The following GRIA1 variants were observed in gnomAD, a reference collection of about 807,000 sequenced individuals.
GRIA1 encodes glutamate ionotropic receptor AMPA type subunit 1.
Under a neutral mutation model 99.2 loss-of-function variants are expected in GRIA1, and 31 were observed. That is an observed-to-expected ratio of 0.31 (90% CI 0.23 to 0.42). The LOEUF is 0.42. Among genes scored for constraint, GRIA1 ranks in the 10% least tolerant of loss-of-function variants. The pLI, the probability that GRIA1 is intolerant of heterozygous loss-of-function variation, is 1.00. For missense variants in GRIA1, 782 were observed against 1,157.5 expected (o/e 0.68, Z 4.71); for synonymous variants, 438 against 432.4 (o/e 1.01, Z -0.16).
chr5:153,770,185 G>A lies in GRIA1; in HGVS notation c.2040G>A (p.Val680=), dbSNP rs1261312064. The stretch of plus-strand genomic sequence containing the variant: ...CCTACCAGAGGTCTAAAATTGCTGT[G>A]TTTGAGAAGATGTGGACATACATGA... ...KEFFRRSKIA[V]FEKMWTYMKS... is the part of the protein sequence containing the mutation. Residue 680 remains valine, a synonymous_variant, in exon 13 of 16, where the codon GTG becomes GTA. Transcript: ENST00000285900. 6.2e-7 allele frequency: 1 copy of A among 1,613,918 alleles called. No individual in the cohort carries two copies. The highest frequency in any genetic ancestry group is 8.5e-7 in the Non-Finnish European group (1 of 1,179,814).
At chr5:153,772,933 G>A (rs935427159) in intron 13 of GRIA1, among the ~76,000 whole-genome samples, 3 of 152,112 alleles carry the variant, frequency 2.0e-5, no homozygotes, top group African/African-American at 2.4e-5. Flanking sequence ...AACATAATTT[G>A]TCCAATCAAT....
chr5:153,624,676 A>C (rs758823694), intron 2 of GRIA1, among the ~76,000 whole-genome samples: 3 of 152,228 alleles, frequency 2.0e-5, no homozygotes, highest in Non-Finnish European at 4.4e-5. Flanking sequence ...GGGGGAAAAA[A>C]ATTGATAGTA....
At chr5:153,774,287 G>A (rs1315097904) in intron 13 of GRIA1, among the ~76,000 whole-genome samples, 1 of 152,092 alleles carries the variant, frequency 6.6e-6, no homozygotes, top group Admixed American at 6.6e-5. Context: ...GTAAGGAGAA[G>A]AGTAAAGACA....
intron 4 of GRIA1, among the ~76,000 whole-genome samples, chr5:153,655,558 T>G (rs1754879393): frequency 6.6e-6 from 1 of 152,152 alleles, no homozygotes; most frequent in Admixed American, 6.5e-5. Context: ...CAAAACTGAT[T>G]TCAAATTCTG....
At chr5:153,740,461 G>T (rs181724236) in intron 11 of GRIA1, among the ~76,000 whole-genome samples, 2 of 152,320 alleles carry the variant, frequency 1.3e-5, no homozygotes, top group East Asian at 3.9e-4. Context: ...TCACAGCAGG[G>T]ACGAAGGAAG....
rs1386116205 is a variant in GRIA1 at position 153,811,022 on chromosome 5, A to C, written c.2521-3A>C. ...GGGAAGAACCCCCGGTCCTCCTGAA[A>C]AGGGTTTTTGTTTGATCCCACAGCA... On this transcript the variant is annotated splice_region_variant and splice_polypyrimidine_tract_variant and intron_variant, in intron 15 of 15. Transcript: ENST00000285900. 8 of 1,613,194 alleles carry C rather than the reference A, an allele frequency of 5.0e-6. No individual in the cohort carries two copies. The highest frequency in any genetic ancestry group is 6.8e-6 in the Non-Finnish European group (8 of 1,179,138).
At chr5:153,531,778 C>T (rs539029066) in intron 2 of GRIA1, among the ~76,000 whole-genome samples, 1 of 152,228 alleles carries the variant, frequency 6.6e-6, no homozygotes, top group African/African-American at 2.4e-5. Flanking sequence ...ATGTATTAAA[C>T]AGTCAATATA....
chr5:153,632,148 T>G (rs986998908), intron 2 of GRIA1, among the ~76,000 whole-genome samples: 4 of 151,938 alleles, frequency 2.6e-5, no homozygotes, highest in Non-Finnish European at 4.4e-5. Context: ...GAAGGATGGA[T>G]GAGAACGGAA....
intron 2 of GRIA1, among the ~76,000 whole-genome samples, chr5:153,527,505 C>T (rs566577): frequency 0.81 from 123,731 of 152,144 alleles, 51,587 homozygotes; most frequent in Non-Finnish European, 0.9. Flanking sequence ...TAAAACATTA[C>T]TTTTGGTGTG....
intron 2 of GRIA1, among the ~76,000 whole-genome samples, chr5:153,610,258 TA>T (rs1291286770): frequency 6.6e-6 from 1 of 152,170 alleles, no homozygotes; most frequent in Non-Finnish European, 1.5e-5. Flanking sequence ...ACTGCCAGCA[TA>T]AGGAGTGTTA....
rs191549428 is a variant in GRIA1, at chr5:153,734,278, A to G, written c.1823+28211A>G. Among the ~76,000 whole-genome samples the G allele has an allele frequency of 9.8e-5, 15 of 152,324 alleles. No individual in the cohort carries two copies. The East Asian group carries it at 1.3e-3, about 14-fold the overall frequency. On this transcript the variant is annotated intron_variant, in intron 11 of 15. Coordinates refer to ENST00000285900, the MANE Select transcript of GRIA1 (RefSeq NM_000827.4). ...GTGACCAGCTCATAGCAGGTGCTCA[A>G]TAAGTATTTGTTGAATTAGGGGTTG...
chr5:153,644,298 G>C (rs751004668), intron 2 of GRIA1, among the ~76,000 whole-genome samples: 1 of 152,160 alleles, frequency 6.6e-6, no homozygotes, highest in Non-Finnish European at 1.5e-5. Context: ...TGGATAGATA[G>C]AGTGTACTCA....
chr5:153,697,931 A>G (rs1166627489), intron 8 of GRIA1, 113 bp from the exon 9 acceptor site: 7 of 540,724 alleles, frequency 1.3e-5, no homozygotes, highest in Admixed American at 2.9e-5. Context: ...GGTGTGTCCA[A>G]TTCTTCATGA....
chr5:153,584,654 C>T (rs1029984502), intron 2 of GRIA1, among the ~76,000 whole-genome samples: 1 of 152,208 alleles, frequency 6.6e-6, no homozygotes, highest in African/African-American at 2.4e-5. Context: ...ATATTTTTCT[C>T]TCTCTCCTTT....
At chr5:153,644,946 G>A (rs1001397076) in intron 2 of GRIA1, among the ~76,000 whole-genome samples, 6 of 151,968 alleles carry the variant, frequency 3.9e-5, no homozygotes, top group African/African-American at 1.2e-4. Flanking sequence ...AGAGGAGCAG[G>A]CTATTCATGC....
intron 2 of GRIA1, among the ~76,000 whole-genome samples, chr5:153,645,960 C>T (rs1203997579): frequency 6.6e-6 from 1 of 152,186 alleles, no homozygotes; most frequent in African/African-American, 2.4e-5. Flanking sequence ...AATTTTTAGG[C>T]ATTGAAGATG....
chr5:153,537,001 A>T (rs1758639022), intron 2 of GRIA1, among the ~76,000 whole-genome samples: 1 of 152,204 alleles, frequency 6.6e-6, no homozygotes, highest in African/African-American at 2.4e-5. Context: ...CTCAACCATA[A>T]AATGAAAATA....
At chr5:153,695,577 T>C (rs1758037635) in intron 8 of GRIA1, among the ~76,000 whole-genome samples, 1 of 152,186 alleles carries the variant, frequency 6.6e-6, no homozygotes, top group African/African-American at 2.4e-5. Context: ...TTGAGCAAAT[T>C]CTGTGGTCTC....
chr5:153,809,997 G>A (rs1766705997), intron 15 of GRIA1, among the ~76,000 whole-genome samples: 1 of 152,078 alleles, frequency 6.6e-6, no homozygotes, highest in Non-Finnish European at 1.5e-5. Context: ...TTAATGGAAA[G>A]TTTGAGATGG....
Sources: allele counts gnomAD v4.1 joint callset (sites outside exome capture counted in the v4.1 genomes callset), GRCh38; gene constraint gnomAD v4.1.1; transcripts MANE v1.5; gene names NCBI Gene and HGNC (gene_info 2026-07-23, HGNC 2026-07-21).